Variants in OCM observed in about 807,000 individuals in gnomAD.
The protein encoded by OCM is oncomodulin, also known as oncomodulin-1.
Under a neutral mutation model 14.1 loss-of-function variants are expected in OCM, and 18 were observed. The observed-to-expected ratio is 1.28, with a 90% CI of 0.88 to 1.89. The LOEUF is 1.89. Ranked by LOEUF, OCM falls within the 40% of genes most tolerant of loss-of-function variation. The pLI is 0.00. For synonymous variants in OCM, 48 were observed against 51.0 expected (o/e 0.94, Z 0.25); for missense variants, 140 against 137.6 (o/e 1.02, Z -0.09).
At chr7:5,860,437 GTATA>G in the OCM span, among the ~76,000 whole-genome samples, 4 of 139,634 alleles carry the variant, frequency 2.9e-5, 1 homozygote, top group Non-Finnish European at 6.1e-5. Context: ...ATATATGCGT[GTATA>G]TATACGTGTA....
At chr7:5,864,567 A>G in the OCM span, among the ~76,000 whole-genome samples, 161 of 152,234 alleles carry the variant, frequency 1.1e-3, no homozygotes, top group African/African-American at 3.7e-3. Context: ...AACCAGCAAG[A>G]AAATTCAGCA....
At chr7:5,872,786 C>T in the OCM span, among the ~76,000 whole-genome samples, 3 of 152,130 alleles carry the variant, frequency 2.0e-5, no homozygotes, top group Non-Finnish European at 4.4e-5. Flanking sequence ...CCTTTGTTCA[C>T]GTGTTTATCT....
the OCM span, among the ~76,000 whole-genome samples, chr7:5,867,511 T>C: frequency 3.3e-5 from 5 of 152,282 alleles, no homozygotes; most frequent in South Asian, 1.0e-3. Flanking sequence ...TGGAGGTTCA[T>C]TGAGCTTCTT....
chr7:5,863,463 A>G, the OCM span, among the ~76,000 whole-genome samples: 4 of 151,600 alleles, frequency 2.6e-5, no homozygotes, highest in Non-Finnish European at 5.9e-5. Context: ...CGTGCTTGAG[A>G]GGGTGGCAGG....
upstream of OCM, among the ~76,000 whole-genome samples, chr7:5,876,907 G>C (rs1014202979): frequency 2.0e-5 from 3 of 151,582 alleles, no homozygotes; most frequent in African/African-American, 7.3e-5. Context: ...CCCAGTTCAA[G>C]CGATTCTCCT....
At chr7:5,866,680 C>A in the OCM span, among the ~76,000 whole-genome samples, 1 of 152,124 alleles carries the variant, frequency 6.6e-6, no homozygotes, top group Non-Finnish European at 1.5e-5. Context: ...CTGCTAAAAC[C>A]ATTTGGGTGA....
At chr7:5,870,926 G>T in the OCM span, among the ~76,000 whole-genome samples, 4 of 150,448 alleles carry the variant, frequency 2.7e-5, no homozygotes, top group Non-Finnish European at 5.9e-5. Context: ...CGCTCTTGTT[G>T]CCCAGGCTGG....
At chr7:5,884,986 G>C (rs925610202) in intron 3 of OCM, among the ~76,000 whole-genome samples, 2 of 152,008 alleles carry the variant, frequency 1.3e-5, no homozygotes, top group African/African-American at 4.8e-5. Flanking sequence ...CGGTCATGGT[G>C]GTGGGCACCT....
At chr7:5,881,600 A>G (rs561429330) in intron 1 of OCM, among the ~76,000 whole-genome samples, 1 of 151,362 alleles carries the variant, frequency 6.6e-6, no homozygotes, top group South Asian at 2.1e-4. Context: ...ACTGCACTCC[A>G]GCTTGGACGA....
At chr7:5,869,725 T>G in the OCM span, among the ~76,000 whole-genome samples, 4 of 152,138 alleles carry the variant, frequency 2.6e-5, no homozygotes, top group Admixed American at 1.3e-4. Flanking sequence ...CAGAACAGCT[T>G]CTTCTGCACT....
At chr7:5,865,402 G>A in the OCM span, among the ~76,000 whole-genome samples, 1 of 152,220 alleles carries the variant, frequency 6.6e-6, no homozygotes, top group South Asian at 2.1e-4. Flanking sequence ...AGATGGTGAC[G>A]CTAAGAGGCA....
At chr7:5,881,100 C>T (rs540942263) in intron 1 of OCM, 150 bp downstream of exon 1, 24 of 691,304 alleles carry the variant, frequency 3.5e-5, no homozygotes, top group African/African-American at 1.1e-4. Context: ...GGGTGGATCA[C>T]GAGGTCAGGA....
At chr7:5,878,747 C>CA (rs1193336890), upstream of OCM, among the ~76,000 whole-genome samples, 1 of 141,730 alleles carries the variant, frequency 7.1e-6, no homozygotes, top group Non-Finnish European at 1.5e-5. Context: ...GACTCCATCT[C>CA]AAAAAACAAA....
upstream of OCM, among the ~76,000 whole-genome samples, chr7:5,879,424 G>A (rs113628293): frequency 3.2e-4 from 48 of 152,238 alleles, 2 homozygotes; most frequent in African/African-American, 1.1e-3. Flanking sequence ...ACCTGTGTGT[G>A]CACTTGGTGA....
At chr7:5,884,479 A>G (rs1318232095) in intron 3 of OCM, among the ~76,000 whole-genome samples, 2 of 152,170 alleles carry the variant, frequency 1.3e-5, no homozygotes, top group Non-Finnish European at 2.9e-5. Context: ...CGCCAAGGGG[A>G]TAATATTAAA....
chr7:5,882,534 G>C lies in OCM; in HGVS notation c.103G>C (p.Gly35Arg). ...FEPQKFFQTS[G>R]LSKMSANQVK... The stretch of plus-strand genomic sequence containing the variant: ...ACCCCAAAAATTCTTCCAGACATCA[G>C]GCCTCTCCAAGATGTCAGCCAATCA... The change falls in exon 2 of 4, where the codon GGC (glycine) becomes CGC (arginine). Residue 35 changes from glycine (G) to arginine (R), a missense_variant. Transcript: ENST00000242104. 6.2e-7 allele frequency: 1 copy of C among 1,614,118 alleles called. No homozygotes were observed. Among genetic ancestry groups the C allele is most frequent in the East Asian group, 2.2e-5 (1 of 44,890 alleles).
chr7:5,878,059 C>T (rs1409171077), upstream of OCM, among the ~76,000 whole-genome samples: 1 of 150,366 alleles, frequency 6.7e-6, no homozygotes, highest in Non-Finnish European at 1.5e-5. Context: ...CAACCTCCAA[C>T]TCCCAGATTC....
rs1781302797 is a variant in OCM, at chr7:5,884,950, C to T, written c.304+951C>T. On this transcript the variant is annotated intron_variant, in intron 3 of 3. Coordinates refer to ENST00000242104, the MANE Select transcript of OCM (RefSeq NM_001097622.2). Reference sequence around the variant, plus strand: ...GACTGACCAACATGGTGAACCCCATCTCTATTGAAAATATAAAAAATTAGC... The same window carrying T: ...GACTGACCAACATGGTGAACCCCATTTCTATTGAAAATATAAAAAATTAGC... Among the ~76,000 whole-genome samples, 3 of 151,934 alleles carry T rather than the reference C, an allele frequency of 2.0e-5. No individual in the cohort carries two copies. The South Asian group carries it at 6.2e-4, about 32-fold the overall frequency.
upstream of OCM, among the ~76,000 whole-genome samples, chr7:5,880,495 G>A (rs1781188202): frequency 6.6e-6 from 1 of 152,068 alleles, no homozygotes; most frequent in Non-Finnish European, 1.5e-5. Context: ...TCGGTGGCTT[G>A]CATCTGTCAT....
Sources: gnomAD v4.1 joint callset for allele counts (sites outside exome capture counted in the v4.1 genomes callset) on GRCh38, gnomAD v4.1.1 for gene constraint, MANE v1.5 for transcripts, NCBI Gene and HGNC (gene_info 2026-07-23, HGNC 2026-07-21) for gene names.